PWWP2B: variants seen among roughly 807,000 people sequenced by gnomAD.
PWWP2B encodes the protein PWWP domain-containing protein 2B.
In PWWP2B, 9 loss-of-function variants were observed where a neutral mutation model predicts 15.5. The observed-to-expected ratio is 0.58, with a 90% CI of 0.35 to 1.02. The LOEUF (loss-of-function observed/expected upper bound fraction) is 1.02. PWWP2B is among the 50% of genes least tolerant of loss of function. The probability of loss-of-function intolerance (pLI) is 0.02; values close to 1 mark genes in which losing one functional copy is unlikely to be tolerated. For synonymous variants in PWWP2B, 474 were observed against 403.6 expected (o/e 1.17, Z -2.09); for missense variants, 864 against 865.3 (o/e 1.00, Z 0.02).
Position 132,404,530 on chromosome 10 carries a change from G to A in PWWP2B, c.126-96G>A, listed in dbSNP as rs569031763. On this transcript the variant is annotated intron_variant, in intron 1 of 2. Coordinates refer to ENST00000305233, the MANE Select transcript of PWWP2B (RefSeq NM_138499.4). ...GCATGGCTCGCTGCCCAGACCTGCCGGAGCATGGGTCGGGGGCCTTGGCTC... is the reference window on the plus strand; with the variant it reads ...GCATGGCTCGCTGCCCAGACCTGCCAGAGCATGGGTCGGGGGCCTTGGCTC... 8.0e-5 allele frequency: 86 copies of A among 1,074,840 alleles called. 1 individual carries two copies. Among genetic ancestry groups the A allele is most frequent in the South Asian group, 7.9e-4 (58 of 73,106 alleles). 66.6% of individuals were successfully genotyped at this position (1,074,840 alleles called of 1,614,324 possible).
In PWWP2B at chr10:132,405,666, A is replaced by C; in HGVS notation, c.1166A>C (p.Asp389Ala). 1 of 1,612,444 alleles carries C rather than the reference A, an allele frequency of 6.2e-7. No homozygotes were observed. Among genetic ancestry groups the C allele is most frequent in the Non-Finnish European group, 8.5e-7 (1 of 1,179,886 alleles). Residue 389 changes from aspartate to alanine, a missense_variant, in exon 2 of 3, where the codon GAT (aspartate) becomes GCT (alanine). Physicochemically the swap from Asp to Ala is moderately radical, Grantham distance 126. Coordinates refer to ENST00000305233, the MANE Select transcript of PWWP2B (RefSeq NM_138499.4). Reference protein sequence around the residue: ...DLSSGSSGEDDDFKSCPQGPQ... With the variant: ...DLSSGSSGEDADFKSCPQGPQ... ...TCTTCTGGAAGTTCGGGTGAGGACG[A>C]TGACTTCAAGAGCTGTCCCCAGGGT...
intron 1 of PWWP2B, among the ~76,000 whole-genome samples, chr10:132,401,295 C>T (rs2069612287): frequency 6.6e-6 from 1 of 152,228 alleles, no homozygotes; most frequent in Non-Finnish European, 1.5e-5. Flanking sequence ...TTCCCTAGCC[C>T]TTTCTCAAAG....
Position 132,405,155 on chromosome 10 carries a change from G to C in PWWP2B, c.655G>C (p.Glu219Gln), listed in dbSNP as rs896040431. ...GGAGCTCCGCAAGCCGGAGGAGCCG[G>C]AGAACGGCGAGCCCACGGCTGCGGC... ...DRELRKPEEP[E>Q]NGEPTAAATA... is the part of the protein sequence containing the mutation. Residue 219 changes from glutamate (E) to glutamine (Q), a missense_variant, in exon 2 of 3, where the codon GAG (glutamate) becomes CAG (glutamine). Physicochemically the swap from Glu to Gln is conservative, Grantham distance 29. Around this residue, in one of 2 missense-constraint regions of PWWP2B, gnomAD observed 736 missense variants for 687.7 expected, o/e 1.07. Coordinates refer to ENST00000305233, the MANE Select transcript of PWWP2B (RefSeq NM_138499.4). 1 of 1,547,276 alleles carries C rather than the reference G, an allele frequency of 6.5e-7. No individual in the cohort carries two copies. Among genetic ancestry groups the C allele is most frequent in the Non-Finnish European group, 8.7e-7 (1 of 1,145,740 alleles).
chr10:132,399,557 A>G (rs765993748), intron 1 of PWWP2B, among the ~76,000 whole-genome samples: 1 of 152,272 alleles, frequency 6.6e-6, no homozygotes, highest in Non-Finnish European at 1.5e-5. Flanking sequence ...TTGTGCCACA[A>G]GGGCCATGTG....
intron 1 of PWWP2B, among the ~76,000 whole-genome samples, chr10:132,403,294 G>T (rs373398880): frequency 1.3e-5 from 2 of 151,968 alleles, no homozygotes; most frequent in African/African-American, 4.8e-5. Context: ...CCGGCGAGTC[G>T]CAATGCTGTG....
chr10:132,409,255 A>G (rs1271315926), intron 2 of PWWP2B, among the ~76,000 whole-genome samples: 1 of 152,196 alleles, frequency 6.6e-6, no homozygotes, highest in Non-Finnish European at 1.5e-5. Context: ...GGCTGGCAGG[A>G]GAGGCCGTTC....
At chr10:132,415,453 ACT>A (rs1358132579) in intron 2 of PWWP2B, among the ~76,000 whole-genome samples, 1 of 149,916 alleles carries the variant, frequency 6.7e-6, no homozygotes, top group Non-Finnish European at 1.5e-5. Flanking sequence ...ACTCACATCC[ACT>A]CACACACGCA....
rs148236107 is a variant in PWWP2B at position 132,405,816 on chromosome 10, C to A, written c.1316C>A (p.Thr439Lys). 3 of 1,608,492 alleles carry A rather than the reference C, an allele frequency of 1.9e-6. No homozygotes were observed. Among genetic ancestry groups the A allele is most frequent in the Non-Finnish European group, 2.5e-6 (3 of 1,179,598 alleles). Residue 439 changes from threonine (T) to lysine (K), a missense_variant, in exon 2 of 3, where the codon ACG becomes AAG. Coordinates refer to ENST00000305233, the MANE Select transcript of PWWP2B (RefSeq NM_138499.4). ...DEARSSGSEGTPADTGDLSPG... is the reference protein window; with the variant it reads ...DEARSSGSEGKPADTGDLSPG... The stretch of plus-strand genomic sequence containing the variant: ...GCCAGATCGTCCGGCTCGGAAGGGA[C>A]GCCGGCAGACACGGGTGACCTCTCG...
chr10:132,397,897 G>C (rs2069559918), intron 1 of PWWP2B, among the ~76,000 whole-genome samples: 1 of 152,160 alleles, frequency 6.6e-6, no homozygotes, highest in Non-Finnish European at 1.5e-5. Flanking sequence ...ATGGGGGCGT[G>C]AAGAGGTACA....
intron 1 of PWWP2B, among the ~76,000 whole-genome samples, chr10:132,401,441 A>C (rs1246825594): frequency 1.3e-5 from 2 of 150,712 alleles, no homozygotes; most frequent in Non-Finnish European, 3.0e-5. Flanking sequence ...CCCCACAGGC[A>C]AGGCCCAGCG....
chr10:132,405,609 C>G lies in PWWP2B; in HGVS notation c.1109C>G (p.Ala370Gly). ...CGGGACAGCTCGCCGGCGCCCTGTG[C>G]GGACGGCCCTGCCGGTGGGCTGGCG... Reference protein sequence around the residue: ...YLRDSSPAPCADGPAGGLADL... With the variant: ...YLRDSSPAPCGDGPAGGLADL... The change falls in exon 2 of 3, where the codon GCG becomes GGG. Residue 370 changes from alanine to glycine, a missense_variant. Coordinates refer to ENST00000305233, the MANE Select transcript of PWWP2B (RefSeq NM_138499.4). 1 of 1,611,564 alleles carries G rather than the reference C, an allele frequency of 6.2e-7. No homozygotes were observed. Among genetic ancestry groups the G allele is most frequent in the Non-Finnish European group, 8.5e-7 (1 of 1,179,842 alleles).
intron 2 of PWWP2B, among the ~76,000 whole-genome samples, chr10:132,409,564 C>T (rs1478699430): frequency 6.6e-6 from 1 of 152,146 alleles, no homozygotes; most frequent in Non-Finnish European, 1.5e-5. Context: ...CCCAGGGCCT[C>T]GGGCTGGGGT....
chr10:132,404,031 TCCAGGGCTCCTGCAGGACGGCATTCTCCA>T, intron 1 of PWWP2B, among the ~76,000 whole-genome samples: 1 of 65,708 alleles, frequency 1.5e-5, no homozygotes, highest in South Asian at 5.2e-4. Flanking sequence ...GACGGCATTC[TCCAGGGCTCCTGCAGGACGGCATTCTCCA>T]GGGCTCCTGC....
At chr10:132,404,182 G>A (rs755897953) in intron 1 of PWWP2B, among the ~76,000 whole-genome samples, 1 of 152,256 alleles carries the variant, frequency 6.6e-6, no homozygotes, top group South Asian at 2.1e-4. Context: ...CCAGCCCCTC[G>A]GAGAGGAGGG....
chr10:132,417,489 C>T lies in PWWP2B; in HGVS notation c.*445C>T. 1 of 211,250 alleles carries T rather than the reference C, an allele frequency of 4.7e-6. No homozygotes were observed. Among genetic ancestry groups the T allele is most frequent in the South Asian group, 8.7e-5 (1 of 11,540 alleles). The allele number at this position is 211,250 out of a possible 1,614,324, so 13.1% of individuals were successfully genotyped here. A position where few individuals can be genotyped will look rare whatever the true frequency, so the allele number is the denominator to read the frequency against. ...CAGCTGTTCCCTGCCTCGCAGTGTC[C>T]TGGAGGCAGCTGTCTCGCAGACTCA... On this transcript the variant is annotated 3_prime_UTR_variant, in exon 3 of 3. Transcript: ENST00000305233.
rs896040431 is a variant in PWWP2B, at chr10:132,405,155, G to A, written c.655G>A (p.Glu219Lys). 8.5e-5 allele frequency: 131 copies of A among 1,547,158 alleles called. No individual in the cohort carries two copies. Among genetic ancestry groups the A allele is most frequent in the Non-Finnish European group, 1.1e-4 (124 of 1,145,748 alleles). The change falls in exon 2 of 3, where the codon GAG becomes AAG. Residue 219 changes from glutamate (E) to lysine (K), a missense_variant. Coordinates refer to ENST00000305233, the MANE Select transcript of PWWP2B (RefSeq NM_138499.4). The stretch of plus-strand genomic sequence containing the variant: ...GGAGCTCCGCAAGCCGGAGGAGCCG[G>A]AGAACGGCGAGCCCACGGCTGCGGC... ...DRELRKPEEP[E>K]NGEPTAAATA...
At chr10:132,415,140 TAAG>T (rs1490183493) in intron 2 of PWWP2B, among the ~76,000 whole-genome samples, 3 of 152,134 alleles carry the variant, frequency 2.0e-5, no homozygotes, top group Non-Finnish European at 4.4e-5. Flanking sequence ...AGACGTTAGT[TAAG>T]GGCTTTTTCT....
intron 1 of PWWP2B, among the ~76,000 whole-genome samples, chr10:132,398,091 T>C (rs2133142218): frequency 6.6e-6 from 1 of 152,316 alleles, no homozygotes; most frequent in African/African-American, 2.4e-5. Context: ...AGATCAATGA[T>C]TAGGCATGAA....
chr10:132,405,065 G>T lies in PWWP2B; in HGVS notation c.565G>T (p.Glu189Ter). The change falls in exon 2 of 3, where the codon GAG becomes TAG. Residue 189 changes from glutamate to a stop codon, truncating the protein, a stop_gained. Transcript: ENST00000305233. LOFTEE classifies it high-confidence loss of function. ...GTGCAAGAGCACGCTGAGCCCCCCGGAGGCCAGCCCCGGACCCCCAGCCGC... is the reference window on the plus strand; with the variant it reads ...GTGCAAGAGCACGCTGAGCCCCCCGTAGGCCAGCCCCGGACCCCCAGCCGC... ...EKCKSTLSPP[E>*]ASPGPPAAPR... 3 of 1,517,828 alleles carry T rather than the reference G, an allele frequency of 2.0e-6. No homozygotes were observed. Among genetic ancestry groups the T allele is most frequent in the Non-Finnish European group, 2.6e-6 (3 of 1,135,822 alleles). The allele number at this position is 1,517,828 out of a possible 1,614,324, so 94.0% of individuals were successfully genotyped here.
Sources: allele counts gnomAD v4.1 joint callset (sites outside exome capture counted in the v4.1 genomes callset), GRCh38; gene constraint gnomAD v4.1.1; regional missense constraint gnomAD v4.1.1; transcripts MANE v1.5; gene names NCBI Gene and HGNC (gene_info 2026-07-23, HGNC 2026-07-21).